The following ASXL1 variants were observed in gnomAD, a reference collection of about 807,000 sequenced individuals.
ASXL1 encodes the protein polycomb group protein ASXL1.
Under a neutral mutation model 89.1 loss-of-function variants are expected in ASXL1, and 65 were observed. The ratio of observed to expected loss-of-function variants is 0.73; its 90% CI spans 0.60 to 0.90. ASXL1 has a LOEUF of 0.90. Among genes scored for constraint, ASXL1 ranks in the 40% least tolerant of loss-of-function variants. ASXL1 has a pLI of 0.00. For missense variants in ASXL1, 1,786 were observed against 1,942.9 expected (o/e 0.92, Z 1.52); for synonymous variants, 739 against 746.9 (o/e 0.99, Z 0.17).
In ASXL1 at chr20:32,395,975, T is replaced by A. The variant is rs150360231; in HGVS notation, c.252+26852T>A. ...CACCATGTCTGGCTAGTTTTTGTAT[T>A]TTTAGTAGAGACAGAGCTTCACCAT... On this transcript the variant is annotated intron_variant, in intron 4 of 12. Coordinates refer to ENST00000375687, the MANE Select transcript of ASXL1 (RefSeq NM_015338.6). Among the ~76,000 whole-genome samples, 152 of 152,120 alleles carry A rather than the reference T, an allele frequency of 1.0e-3. 5 individuals are homozygous for A. The East Asian group carries it at 0.028, about 28-fold the overall frequency.
At chr20:32,398,705 G>C (rs1380929318) in intron 4 of ASXL1, among the ~76,000 whole-genome samples, 1 of 149,498 alleles carries the variant, frequency 6.7e-6, no homozygotes, top group African/African-American at 2.4e-5. Flanking sequence ...CACCTGCCGG[G>C]TTCACGCCAT....
intron 1 of ASXL1, 81 bp from the exon 2 acceptor site, chr20:32,366,303 A>G: frequency 1.6e-6 from 2 of 1,266,926 alleles, no homozygotes; most frequent in South Asian, 1.2e-5. Flanking sequence ...ACCTCATAGC[A>G]TAACTTTAGC....
chr20:32,403,851 T>C (rs2048913598), intron 4 of ASXL1, among the ~76,000 whole-genome samples: 1 of 152,198 alleles, frequency 6.6e-6, no homozygotes, highest in African/African-American at 2.4e-5. Context: ...GGATATAGTA[T>C]GTTTTTTTAC....
Position 32,438,416 on chromosome 20 carries a change from A to G in ASXL1, c.*1078A>G, listed in dbSNP as rs763889464. The G allele has an allele frequency of 8.6e-6, 2 of 233,380 alleles. No individual in the cohort carries two copies. The highest frequency in any genetic ancestry group is 2.2e-5 in the African/African-American group (1 of 45,306). The allele number at this position is 233,380 out of a possible 1,614,324, so 14.5% of individuals were successfully genotyped here. A position where few individuals can be genotyped will look rare whatever the true frequency, so the allele number is the denominator to read the frequency against. On this transcript the variant is annotated 3_prime_UTR_variant, in exon 13 of 13. Coordinates refer to ENST00000375687, the MANE Select transcript of ASXL1 (RefSeq NM_015338.6). ...TTAAAGTGGTGTAATCTCCTTCTCT[A>G]CATCTGTTGTCAGAGCCACTGAGTG...
At chr20:32,372,603 T>C (rs1387884499) in intron 4 of ASXL1, 1 of 214,356 alleles carries the variant, frequency 4.7e-6, no homozygotes, top group African/African-American at 2.3e-5. Flanking sequence ...TTTATTTATT[T>C]TTTTTTTCTG....
chr20:32,398,156 AG>A (rs1165367406), intron 4 of ASXL1, among the ~76,000 whole-genome samples: 1 of 152,238 alleles, frequency 6.6e-6, no homozygotes, highest in Non-Finnish European at 1.5e-5. Context: ...ATGAATCAAT[AG>A]GTTGTTTCTC....
At chr20:32,433,170 C>G in intron 11 of ASXL1, 114 bp from the exon 12 acceptor site, 1 of 1,551,486 alleles carries the variant, frequency 6.4e-7, no homozygotes, top group Non-Finnish European at 8.7e-7. Context: ...GATTGTGCAC[C>G]ACACAGATTT....
At position 32,417,043 on chromosome 20, in the gene ASXL1, C is replaced by G. The variant is rs149483817; in HGVS notation, c.253-11085C>G. Among the ~76,000 whole-genome samples, 658 of 152,230 alleles carry G rather than the reference C, an allele frequency of 4.3e-3. 6 individuals are homozygous for G. Among genetic ancestry groups the G allele is most frequent in the African/African-American group, 0.014 (601 of 41,548 alleles). On this transcript the variant is annotated intron_variant, in intron 4 of 12. Transcript: ENST00000375687. ...CCCCTTGACTGATTTAGTAGTAAAACCTGACCTGTGTAAACTCATTTTGTG... is the reference window on the plus strand; with the variant it reads ...CCCCTTGACTGATTTAGTAGTAAAAGCTGACCTGTGTAAACTCATTTTGTG...
chr20:32,386,789 CTTTT>C (rs11445027), intron 4 of ASXL1, among the ~76,000 whole-genome samples: 1 of 129,648 alleles, frequency 7.7e-6, no homozygotes, highest in Non-Finnish European at 1.6e-5. Context: ...CTCTCTCTCT[CTTTT>C]TTTTTTTTTT....
intron 1 of ASXL1, 124 bp downstream of exon 1, chr20:32,358,956 C>CT: frequency 1.9e-6 from 2 of 1,060,942 alleles, no homozygotes; most frequent in Non-Finnish European, 2.6e-6. Context: ...GGCCATCTTC[C>CT]TTTAAGAACG....
At chr20:32,372,046 C>T in intron 4 of ASXL1, 1 of 1,258,912 alleles carries the variant, frequency 7.9e-7, no homozygotes. Flanking sequence ...TCTATGAGTA[C>T]CTTAAGGGCA....
intron 4 of ASXL1, among the ~76,000 whole-genome samples, chr20:32,379,807 CAG>C (rs773290546): frequency 2.0e-5 from 3 of 147,922 alleles, no homozygotes; most frequent in Non-Finnish European, 4.5e-5. Flanking sequence ...GCCTGGGTGA[CAG>C]AGCAAGACTG....
At chr20:32,420,699 G>C (rs185032875) in intron 4 of ASXL1, among the ~76,000 whole-genome samples, 3 of 152,012 alleles carry the variant, frequency 2.0e-5, no homozygotes, top group Admixed American at 1.3e-4. Context: ...ATATAAAAAT[G>C]TTCAAAATGT....
intron 2 of ASXL1, among the ~76,000 whole-genome samples, chr20:32,366,989 G>A (rs2048215347): frequency 6.6e-6 from 1 of 151,062 alleles, no homozygotes; most frequent in Non-Finnish European, 1.5e-5. Context: ...TTTTCCTGGA[G>A]AAGTAACAAG....
Position 32,435,260 on chromosome 20 carries a change from G to A in ASXL1, c.2548G>A (p.Glu850Lys), listed in dbSNP as rs914002110. The change falls in exon 13 of 13, where the codon GAA (glutamate) becomes AAA (lysine). Residue 850 changes from glutamate to lysine, a missense_variant. Transcript: ENST00000375687. ...PVNVTPSSTPESSPTDCLQNR... is the reference protein window; with the variant it reads ...PVNVTPSSTPKSSPTDCLQNR... ...AAATGTGACCCCCAGTTCCACACCTGAATCCTCACCGACTGATTGCCTGCA... is the reference window on the plus strand; with the variant it reads ...AAATGTGACCCCCAGTTCCACACCTAAATCCTCACCGACTGATTGCCTGCA... 1 of 1,614,134 alleles carries A rather than the reference G, an allele frequency of 6.2e-7. No individual in the cohort carries two copies. Among genetic ancestry groups the A allele is most frequent in the Non-Finnish European group, 8.5e-7 (1 of 1,180,026 alleles).
At chr20:32,422,663 T>C (rs1169542860) in intron 4 of ASXL1, among the ~76,000 whole-genome samples, 1 of 149,380 alleles carries the variant, frequency 6.7e-6, no homozygotes, top group East Asian at 2.0e-4. Context: ...CTTGGCTCAC[T>C]GCAACCTTTG....
chr20:32,410,236 C>T (rs2049020695), intron 4 of ASXL1, among the ~76,000 whole-genome samples: 2 of 152,144 alleles, frequency 1.3e-5, no homozygotes, highest in South Asian at 4.1e-4. Flanking sequence ...TACAGATAGT[C>T]CCAAGCCCTA....
chr20:32,421,074 G>A (rs201105028), intron 4 of ASXL1, among the ~76,000 whole-genome samples: 2 of 151,194 alleles, frequency 1.3e-5, no homozygotes, highest in African/African-American at 4.9e-5. Flanking sequence ...GTTGGGGGGT[G>A]GGGGGAAAGG....
intron 12 of ASXL1, 127 bp downstream of exon 12, chr20:32,434,044 G>T: frequency 2.9e-6 from 4 of 1,356,956 alleles, no homozygotes; most frequent in Non-Finnish European, 4.1e-6. Flanking sequence ...TTTATGAGAG[G>T]TTTGCTTGAG....
Sources: gnomAD v4.1 joint callset for allele counts (sites outside exome capture counted in the v4.1 genomes callset) on GRCh38, gnomAD v4.1.1 for gene constraint, MANE v1.5 for transcripts, NCBI Gene and HGNC (gene_info 2026-07-23, HGNC 2026-07-21) for gene names.